Variants in MACROD2 observed in about 807,000 individuals in gnomAD.
MACROD2 encodes the protein ADP-ribose glycohydrolase MACROD2.
In MACROD2, 36 loss-of-function variants were observed where a neutral mutation model predicts 70.4. The ratio of observed to expected loss-of-function variants is 0.51; its 90% CI spans 0.39 to 0.68. MACROD2 has a LOEUF of 0.68. Among genes scored for constraint, MACROD2 ranks in the 30% least tolerant of loss-of-function variants. MACROD2 has a pLI of 0.00. For missense variants in MACROD2, 496 were observed against 538.4 expected, an observed-to-expected ratio of 0.92 and a Z score of 0.78; for synonymous variants, 172 against 178.8, an observed-to-expected ratio of 0.96 and a Z score of 0.30.
At chr20:14,254,466 A>G (rs1472395882) in intron 3 of MACROD2, among the ~76,000 whole-genome samples, 1 of 152,006 alleles carries the variant, frequency 6.6e-6, no homozygotes, top group East Asian at 1.9e-4. Context: ...AGTTTTCCAT[A>G]TATGTTAAAA....
At chr20:15,234,518 C>T (rs2076996800) in intron 6 of MACROD2, among the ~76,000 whole-genome samples, 1 of 151,944 alleles carries the variant, frequency 6.6e-6, no homozygotes, top group Non-Finnish European at 1.5e-5. Flanking sequence ...AAAGATATAG[C>T]TGTCAAAAAA....
intron 10 of MACROD2, among the ~76,000 whole-genome samples, chr20:15,928,799 T>C (rs1215891204): frequency 6.6e-6 from 1 of 152,226 alleles, no homozygotes; most frequent in Admixed American, 6.5e-5. Flanking sequence ...TTGATGGCAG[T>C]GCAGACTCTT....
At chr20:14,055,604 C>G (rs2053623290) in intron 2 of MACROD2, among the ~76,000 whole-genome samples, 2 of 151,884 alleles carry the variant, frequency 1.3e-5, no homozygotes, top group Non-Finnish European at 2.9e-5. Context: ...AGTTACCTGT[C>G]CAGAGTTCTT....
chr20:15,945,460 G>A (rs2065809119), intron 12 of MACROD2, among the ~76,000 whole-genome samples: 3 of 152,136 alleles, frequency 2.0e-5, no homozygotes, highest in Non-Finnish European at 2.9e-5. Flanking sequence ...TTGCCACATA[G>A]ACTATGCTGC....
intron 8 of MACROD2, among the ~76,000 whole-genome samples, chr20:15,853,173 C>G (rs1234937465): frequency 6.6e-6 from 1 of 152,110 alleles, no homozygotes; most frequent in Admixed American, 6.6e-5. Context: ...TATTTCCATG[C>G]CAGCACCAGG....
chr20:14,560,610 A>G (rs1446507268), intron 4 of MACROD2, among the ~76,000 whole-genome samples: 1 of 151,922 alleles, frequency 6.6e-6, no homozygotes, highest in Non-Finnish European at 1.5e-5. Context: ...ATGTTTGAAT[A>G]TCACAAAGAA....
intron 5 of MACROD2, among the ~76,000 whole-genome samples, chr20:15,021,301 C>CACATAT (rs1195823832): frequency 1.5e-5 from 2 of 137,442 alleles, no homozygotes; most frequent in Admixed American, 7.1e-5. Context: ...TGTGTATATG[C>CACATAT]ACATATACAT....
intron 4 of MACROD2, among the ~76,000 whole-genome samples, chr20:14,674,774 G>T (rs1008885874): frequency 2.0e-5 from 3 of 152,120 alleles, no homozygotes; most frequent in African/African-American, 4.8e-5. Context: ...CAAGGTAGTT[G>T]TTTAACAAAT....
At chr20:14,416,757 A>G (rs1004862806) in intron 3 of MACROD2, among the ~76,000 whole-genome samples, 1 of 152,186 alleles carries the variant, frequency 6.6e-6, no homozygotes, top group African/African-American at 2.4e-5. Flanking sequence ...TATGAATGCT[A>G]ATTTAGCAAT....
intron 6 of MACROD2, among the ~76,000 whole-genome samples, chr20:15,376,953 C>T (rs2045570921): frequency 6.6e-6 from 1 of 152,130 alleles, no homozygotes; most frequent in Non-Finnish European, 1.5e-5. Context: ...TGCAGTGGCG[C>T]AATCTTGGCT....
At chr20:14,133,834 C>A (rs1249697409) in intron 3 of MACROD2, among the ~76,000 whole-genome samples, 1 of 152,208 alleles carries the variant, frequency 6.6e-6, no homozygotes, top group Admixed American at 6.5e-5. Context: ...CAGCTGTCAG[C>A]CCCTTCAGGG....
intron 5 of MACROD2, among the ~76,000 whole-genome samples, chr20:14,954,482 AATATATAAATT>A (rs1392086905): frequency 7.0e-6 from 1 of 142,426 alleles, no homozygotes; most frequent in Admixed American, 7.5e-5. Flanking sequence ...TATATATTTA[AATATATAAATT>A]ATATATAATT....
intron 4 of MACROD2, among the ~76,000 whole-genome samples, chr20:14,680,274 A>G (rs2070916019): frequency 6.6e-6 from 1 of 152,186 alleles, no homozygotes; most frequent in South Asian, 2.1e-4. Context: ...AGAAAATGAA[A>G]GCTAGAAGGT....
chr20:15,745,407 C>T (rs941370196), intron 8 of MACROD2, among the ~76,000 whole-genome samples: 22 of 152,114 alleles, frequency 1.4e-4, no homozygotes, highest in African/African-American at 4.6e-4. Flanking sequence ...GGATTTCATT[C>T]GACTGAAGTG....
At chr20:14,439,969 A>G (rs926898609) in intron 3 of MACROD2, among the ~76,000 whole-genome samples, 2 of 152,178 alleles carry the variant, frequency 1.3e-5, no homozygotes, top group Non-Finnish European at 2.9e-5. Context: ...TCTGCCCTCA[A>G]CATTCCAAAC....
intron 10 of MACROD2, among the ~76,000 whole-genome samples, chr20:15,931,836 C>T (rs2065583539): frequency 6.6e-6 from 1 of 151,974 alleles, no homozygotes; most frequent in Non-Finnish European, 1.5e-5. Flanking sequence ...AAATGTTTCC[C>T]CATCTGAAAC....
chr20:15,966,461 G>A (rs1208401891), intron 12 of MACROD2, among the ~76,000 whole-genome samples: 3 of 152,154 alleles, frequency 2.0e-5, no homozygotes, highest in Non-Finnish European at 4.4e-5. Flanking sequence ...ACAGTGTCTG[G>A]GCAGGTGTGA....
intron 6 of MACROD2, among the ~76,000 whole-genome samples, chr20:15,391,756 T>G (rs2045795956): frequency 6.6e-6 from 1 of 152,216 alleles, no homozygotes; most frequent in African/African-American, 2.4e-5. Flanking sequence ...TCTCGTTCAT[T>G]AAAAGTGAAA....
chr20:15,541,943 A>C (rs2047962406), intron 8 of MACROD2, among the ~76,000 whole-genome samples: 1 of 152,228 alleles, frequency 6.6e-6, no homozygotes, highest in East Asian at 1.9e-4. Context: ...CCACCAAATA[A>C]GTCTAACTTG....
Sources: allele counts gnomAD v4.1 joint callset (sites outside exome capture counted in the v4.1 genomes callset), GRCh38; gene constraint gnomAD v4.1.1; transcripts MANE v1.5; gene names NCBI Gene and HGNC (gene_info 2026-07-23, HGNC 2026-07-21).